The following ADRA1B variants were observed in gnomAD, a reference collection of about 807,000 sequenced individuals.
ADRA1B encodes the protein alpha-1B adrenergic receptor.
ADRA1B carries 17 observed loss-of-function variants against 17.9 expected under a neutral mutation model. The ratio of observed to expected loss-of-function variants is 0.95; its 90% CI spans 0.65 to 1.42. The LOEUF (loss-of-function observed/expected upper bound fraction) is 1.42, where lower values mean the gene tolerates loss of function less well. ADRA1B is among the 40% of genes most tolerant of loss of function. The pLI, the probability that ADRA1B is intolerant of heterozygous loss-of-function variation, is 0.00. For synonymous variants in ADRA1B, 366 were observed against 327.6 expected (o/e 1.12, Z -1.27); for missense variants, 681 against 722.1 (o/e 0.94, Z 0.65).
intron 1 of ADRA1B, among the ~76,000 whole-genome samples, chr5:159,871,909 A>G (rs1753746597): frequency 6.6e-6 from 1 of 152,202 alleles, no homozygotes; most frequent in Admixed American, 6.5e-5. Flanking sequence ...ATCTCTCTGC[A>G]GGGTCTCCTC....
rs558293374 is a variant in ADRA1B, at chr5:159,936,527, A to G, written c.949+18673A>G. Among the ~76,000 whole-genome samples, 11 of 152,286 alleles carry G rather than the reference A, an allele frequency of 7.2e-5. No individual in the cohort carries two copies. The South Asian group carries it at 2.3e-3, about 32-fold the overall frequency. ...TTTGTTAAATCAAAATGATAAGCCTATTAATAATGTAAACTTTCAGACTGA... is the reference window on the plus strand; with the variant it reads ...TTTGTTAAATCAAAATGATAAGCCTGTTAATAATGTAAACTTTCAGACTGA... On this transcript the variant is annotated intron_variant, in intron 1 of 1. Transcript: ENST00000306675.
chr5:159,986,780 TTTGGAGACGTTAGCCCCATCGTAA>T, the ADRA1B span, among the ~76,000 whole-genome samples: 1 of 152,198 alleles, frequency 6.6e-6, no homozygotes, highest in African/African-American at 2.4e-5. Context: ...ACGATGGGTT[TTTGGAGACGTTAGCCCCATCGTAA>T]TTCCAGGGGC....
intron 1 of ADRA1B, among the ~76,000 whole-genome samples, chr5:159,879,798 C>T (rs1391077640): frequency 6.6e-6 from 1 of 152,100 alleles, no homozygotes; most frequent in African/African-American, 2.4e-5. Context: ...AAGGTCAAGA[C>T]CAACCTGGCC....
upstream of ADRA1B, among the ~76,000 whole-genome samples, chr5:159,912,471 C>T (rs1466700536): frequency 6.6e-6 from 1 of 152,216 alleles, no homozygotes; most frequent in Non-Finnish European, 1.5e-5. Context: ...CGCTGGGGAA[C>T]CTTTACTCCC....
At chr5:159,963,799 G>A (rs1266778809) in intron 1 of ADRA1B, among the ~76,000 whole-genome samples, 3 of 152,158 alleles carry the variant, frequency 2.0e-5, no homozygotes, top group African/African-American at 7.2e-5. Context: ...GCTTAAGGAT[G>A]ACCTGCTGGG....
At chr5:159,897,655 G>A (rs948548082) in intron 1 of ADRA1B, among the ~76,000 whole-genome samples, 1 of 152,132 alleles carries the variant, frequency 6.6e-6, no homozygotes, top group Non-Finnish European at 1.5e-5. Flanking sequence ...ACCTCCCACA[G>A]AGTTGTCCTG....
chr5:159,927,679 C>A (rs746563801), intron 1 of ADRA1B, among the ~76,000 whole-genome samples: 10 of 152,240 alleles, frequency 6.6e-5, no homozygotes, highest in African/African-American at 2.2e-4. Flanking sequence ...ATTATAATAA[C>A]CCTTTCTTAT....
At chr5:159,887,714 C>T (rs1753940657) in intron 1 of ADRA1B, among the ~76,000 whole-genome samples, 1 of 152,150 alleles carries the variant, frequency 6.6e-6, no homozygotes, top group South Asian at 2.1e-4. Context: ...TTTTTTAAGC[C>T]ACTTTGAGCT....
the ADRA1B span, among the ~76,000 whole-genome samples, chr5:159,982,631 C>G: frequency 6.6e-6 from 1 of 151,822 alleles, no homozygotes; most frequent in Non-Finnish European, 1.5e-5. Flanking sequence ...TCTGTGCACC[C>G]CCAGCCTGGA....
chr5:159,977,342 G>T (rs1187423412), downstream of ADRA1B, among the ~76,000 whole-genome samples: 1 of 152,172 alleles, frequency 6.6e-6, no homozygotes, highest in East Asian at 1.9e-4. Flanking sequence ...CCCAGGCTCA[G>T]GGAACTCAGC....
At chr5:159,877,768 G>A (rs1339593826) in intron 1 of ADRA1B, among the ~76,000 whole-genome samples, 1 of 152,242 alleles carries the variant, frequency 6.6e-6, no homozygotes, top group African/African-American at 2.4e-5. Flanking sequence ...AGAAGGTGCA[G>A]CGTGCCCAGG....
intron 1 of ADRA1B, among the ~76,000 whole-genome samples, chr5:159,885,215 AAAT>A (rs1753910546): frequency 1.3e-5 from 2 of 152,216 alleles, no homozygotes; most frequent in Admixed American, 1.3e-4. Context: ...GTAATAATAA[AAAT>A]AATAATAGTG....
chr5:159,866,279 C>A (rs1303178791), intron 1 of ADRA1B, among the ~76,000 whole-genome samples: 1 of 146,000 alleles, frequency 6.8e-6, no homozygotes, highest in Non-Finnish European at 1.5e-5. Context: ...GCACTTCAGC[C>A]TGGGCAACAT....
chr5:159,909,783 G>A (rs71603644), intron 1 of ADRA1B, among the ~76,000 whole-genome samples: 19,601 of 152,190 alleles, frequency 0.13, 1,600 homozygotes, highest in Non-Finnish European at 0.18. Context: ...CCTAGACAAA[G>A]AGAGTTACAA....
At chr5:159,933,467 A>G (rs1373357207) in intron 1 of ADRA1B, among the ~76,000 whole-genome samples, 1 of 152,240 alleles carries the variant, frequency 6.6e-6, no homozygotes, top group East Asian at 1.9e-4. Flanking sequence ...GCCAGTTTTT[A>G]TGCTGATAGC....
chr5:159,975,293 G>A (rs559520319), downstream of ADRA1B, among the ~76,000 whole-genome samples: 1 of 152,278 alleles, frequency 6.6e-6, no homozygotes, highest in South Asian at 2.1e-4. Context: ...TCCACAGAAT[G>A]ATGTTTAAAA....
chr5:159,950,430 C>T (rs1285137213), intron 1 of ADRA1B: 3 of 815,424 alleles, frequency 3.7e-6, no homozygotes, highest in Admixed American at 1.9e-5. Context: ...GGCAGGGACT[C>T]CCCATCAGTG....
At chr5:159,939,330 C>T (rs903163583) in intron 1 of ADRA1B, among the ~76,000 whole-genome samples, 37 of 148,754 alleles carry the variant, frequency 2.5e-4, no homozygotes, top group African/African-American at 8.6e-4. Context: ...TGTGCGCGCG[C>T]GCGCGCACAC....
chr5:159,901,810 C>T (rs185005811), intron 1 of ADRA1B, among the ~76,000 whole-genome samples: 1 of 152,232 alleles, frequency 6.6e-6, no homozygotes, highest in Admixed American at 6.5e-5. Flanking sequence ...AAGATATCAC[C>T]TCACACCCAT....
Sources: allele counts gnomAD v4.1 joint callset (sites outside exome capture counted in the v4.1 genomes callset), GRCh38; gene constraint gnomAD v4.1.1; transcripts MANE v1.5; gene names NCBI Gene and HGNC (gene_info 2026-07-23, HGNC 2026-07-21).